Variants in PTPRN2 observed in about 807,000 individuals in gnomAD.
PTPRN2 encodes the protein receptor-type tyrosine-protein phosphatase N2.
In PTPRN2, 74 loss-of-function variants were observed where a neutral mutation model predicts 118.8. The observed-to-expected ratio is 0.62, with a 90% CI of 0.52 to 0.76. The LOEUF (loss-of-function observed/expected upper bound fraction) is 0.76. PTPRN2 is among the 30% of genes least tolerant of loss of function. PTPRN2 has a pLI of 0.00. For missense variants in PTPRN2, 1,481 were observed against 1,394.4 expected (o/e 1.06, Z -0.99); for synonymous variants, 641 against 608.0 (o/e 1.05, Z -0.80).
At chr7:157,994,036 G>A (rs1364406220) in intron 11 of PTPRN2, among the ~76,000 whole-genome samples, 3 of 152,134 alleles carry the variant, frequency 2.0e-5, no homozygotes, top group African/African-American at 7.2e-5. Flanking sequence ...ATAATTTATC[G>A]CAAAGTCCCT....
intron 3 of PTPRN2, among the ~76,000 whole-genome samples, chr7:158,270,001 G>A (rs191353411): frequency 1.2e-3 from 176 of 152,342 alleles, no homozygotes; most frequent in Admixed American, 3.7e-3. Flanking sequence ...CAGAGACAGA[G>A]TCCCAGCAGT....
Position 157,821,089 on chromosome 7 carries a change from G to A in PTPRN2, c.1788+77584C>T, listed in dbSNP as rs565686301. On this transcript the variant is annotated intron_variant, in intron 12 of 22. Transcript: ENST00000389418. ...CTTGTGTGACCCCAAGGCAGGCATGGCAGGATCTAGGTGCAGATGACACAC... is the reference window on the plus strand; with the variant it reads ...CTTGTGTGACCCCAAGGCAGGCATGACAGGATCTAGGTGCAGATGACACAC... Among the ~76,000 whole-genome samples, 46 of 152,314 alleles carry A rather than the reference G, an allele frequency of 3.0e-4. No homozygotes were observed. The South Asian group carries it at 8.9e-3, about 29-fold the overall frequency.
Position 158,483,827 on chromosome 7 carries a change from A to G in PTPRN2, c.163+5908T>C, listed in dbSNP as rs142771123. Among the ~76,000 whole-genome samples, 1,471 of 152,286 alleles carry G rather than the reference A, an allele frequency of 9.7e-3. 15 individuals carry two copies. Among genetic ancestry groups the G allele is most frequent in the Middle Eastern group, 0.027 (8 of 294 alleles). On this transcript the variant is annotated intron_variant, in intron 2 of 22. Transcript: ENST00000389418. ...TATTGAAACATAATTCATATACCAC[A>G]TAACTCAGCCTTTTAAAGTATAGGA... is the stretch of plus-strand genomic sequence containing the variant.
intron 3 of PTPRN2, 61 bp downstream of exon 3, chr7:158,316,758 G>A: frequency 2.3e-6 from 3 of 1,294,106 alleles, no homozygotes; most frequent in Non-Finnish European, 3.2e-6. Flanking sequence ...AGGAGGAGAA[G>A]CCAAGCCCGT....
Position 158,090,434 on chromosome 7 carries a change from T to G in PTPRN2, c.1644-9057A>C, listed in dbSNP as rs1351144636. Among the ~76,000 whole-genome samples, 5 of 152,370 alleles carry G rather than the reference T, an allele frequency of 3.3e-5. No homozygotes were observed. The South Asian group carries it at 1.0e-3, about 32-fold the overall frequency. ...CAAAATAAGGAAACCATATATGTTG[T>G]ACATAGATAAGAGATCATTTCATCA... On this transcript the variant is annotated intron_variant, in intron 10 of 22. Coordinates refer to ENST00000389418, the MANE Select transcript of PTPRN2 (RefSeq NM_002847.5).
At chr7:158,317,763 C>G (rs1447336159) in intron 2 of PTPRN2, among the ~76,000 whole-genome samples, 1 of 152,174 alleles carries the variant, frequency 6.6e-6, no homozygotes, top group Admixed American at 6.5e-5. Flanking sequence ...CTAGGTTTCG[C>G]CGTGCAGCTT....
rs545410892 is a variant in PTPRN2 at position 158,237,770 on chromosome 7, C to T, written c.278-32497G>A. On this transcript the variant is annotated intron_variant, in intron 3 of 22. Coordinates refer to ENST00000389418, the MANE Select transcript of PTPRN2 (RefSeq NM_002847.5). ...AACCCACCCCTACACTCTGCCACTT[C>T]GCCGCCACCCATGCTGCCATTGCAC... Among the ~76,000 whole-genome samples the T allele has an allele frequency of 5.3e-5, 8 of 151,426 alleles. 2 individuals are homozygous for T. The highest frequency in any genetic ancestry group is 9.7e-5 in the African/African-American group (4 of 41,442).
At chr7:158,424,270 C>T (rs1815502190) in intron 2 of PTPRN2, among the ~76,000 whole-genome samples, 1 of 152,202 alleles carries the variant, frequency 6.6e-6, no homozygotes, top group Non-Finnish European at 1.5e-5. Flanking sequence ...AAGCAACTGC[C>T]CACGTGGAAG....
chr7:158,334,039 A>C (rs1246459650), intron 2 of PTPRN2, among the ~76,000 whole-genome samples: 6 of 4,082 alleles, frequency 1.5e-3, no homozygotes, highest in Non-Finnish European at 2.4e-3. Flanking sequence ...CTCACACTCT[A>C]GCCATAAGAG....
At chr7:157,931,109 T>G (rs1367728228) in intron 11 of PTPRN2, among the ~76,000 whole-genome samples, 1 of 152,170 alleles carries the variant, frequency 6.6e-6, no homozygotes, top group Non-Finnish European at 1.5e-5. Flanking sequence ...GCTCCAGCAC[T>G]GCAGCATGAG....
intron 3 of PTPRN2, among the ~76,000 whole-genome samples, chr7:158,236,740 A>G (rs940707017): frequency 1.3e-5 from 2 of 151,584 alleles, no homozygotes; most frequent in South Asian, 4.2e-4. Flanking sequence ...ACCCGTCCCC[A>G]CCCAGCCACT....
chr7:158,030,424 T>TC (rs1267015702), intron 11 of PTPRN2: 1 of 152,170 alleles, frequency 6.6e-6, no homozygotes, highest in East Asian at 1.9e-4. Context: ...GGGGACTATG[T>TC]CCCCCAGGAA....
At chr7:157,883,840 GAACAC>G (rs1365767398) in intron 12 of PTPRN2, among the ~76,000 whole-genome samples, 1 of 147,682 alleles carries the variant, frequency 6.8e-6, no homozygotes, top group East Asian at 2.1e-4. Context: ...TCAGAGATCA[GAACAC>G]ATCACCCCAA....
intron 13 of PTPRN2, among the ~76,000 whole-genome samples, chr7:157,677,605 T>C (rs1306522183): frequency 1.3e-5 from 2 of 152,180 alleles, no homozygotes; most frequent in African/African-American, 2.4e-5. Flanking sequence ...TTCAGACTCA[T>C]GGTGAAAAGG....
At chr7:158,532,879 T>A (rs1825358302) in intron 1 of PTPRN2, 2 of 517,660 alleles carry the variant, frequency 3.9e-6, no homozygotes, top group South Asian at 2.8e-5. Flanking sequence ...GCAGACCATC[T>A]TGATGGCTCA....
At chr7:157,682,679 C>A (rs1396235660) in intron 13 of PTPRN2, 46 bp downstream of exon 13, 2 of 1,544,628 alleles carry the variant, frequency 1.3e-6, no homozygotes, top group East Asian at 4.5e-5. Context: ...TCTGCCTGTT[C>A]AACAGATAAA....
intron 13 of PTPRN2, among the ~76,000 whole-genome samples, chr7:157,656,844 CCACACA>C (rs746304890): frequency 8.1e-5 from 10 of 123,302 alleles, no homozygotes; most frequent in South Asian, 2.4e-4. Flanking sequence ...CACACACACA[CCACACA>C]CACACACACA....
chr7:158,510,426 A>C lies in PTPRN2; in HGVS notation c.113-20641T>G, dbSNP rs1016184035. On this transcript the variant is annotated intron_variant, in intron 1 of 22. Transcript: ENST00000389418. ...CGCACCCCACAAAAACCTCATTCAC[A>C]CTAAGTGTGTGTGTTTACTCTCTCT... Among the ~76,000 whole-genome samples, 6 of 140,332 alleles carry C rather than the reference A, an allele frequency of 4.3e-5. No homozygotes were observed. The East Asian group carries it at 1.3e-3, about 30-fold the overall frequency. 92.1% of individuals were successfully genotyped at this position (140,332 alleles called of 152,430 possible).
intron 12 of PTPRN2, among the ~76,000 whole-genome samples, chr7:157,746,162 A>G (rs1440734573): frequency 4.6e-5 from 5 of 107,568 alleles, no homozygotes; most frequent in Admixed American, 1.1e-4. Context: ...TCCTCATGGG[A>G]CCCTGAGCAT....
Sources: gnomAD v4.1 joint callset for allele counts (sites outside exome capture counted in the v4.1 genomes callset) on GRCh38, gnomAD v4.1.1 for gene constraint, MANE v1.5 for transcripts, NCBI Gene and HGNC (gene_info 2026-07-23, HGNC 2026-07-21) for gene names.